The following MRE11 variants were observed in gnomAD, a reference collection of about 807,000 sequenced individuals.
The protein encoded by MRE11 is double-strand break repair protein MRE11.
A neutral mutation model predicts 91.7 loss-of-function variants in MRE11; 62 were observed. The observed-to-expected ratio is 0.68, with a 90% CI of 0.55 to 0.84. The LOEUF is 0.84. Ranked by LOEUF, MRE11 falls within the 40% of genes least tolerant of loss-of-function variation. MRE11 has a pLI of 0.00. For missense variants in MRE11, 796 were observed against 852.9 expected (o/e 0.93, Z 0.83); for synonymous variants, 273 against 271.4 (o/e 1.01, Z -0.06).
intron 14 of MRE11, among the ~76,000 whole-genome samples, chr11:94,450,463 C>A (rs370769414): frequency 7.9e-5 from 12 of 152,026 alleles, no homozygotes; most frequent in African/African-American, 2.9e-4. Flanking sequence ...TACTTCAAGA[C>A]CCCATGAAAC....
intron 16 of MRE11, among the ~76,000 whole-genome samples, chr11:94,439,727 G>T (rs916928480): frequency 2.0e-5 from 3 of 152,060 alleles, no homozygotes; most frequent in Non-Finnish European, 2.9e-5. Context: ...TCAAAATAAC[G>T]CAATGAGGTG....
At chr11:94,511,259 A>T in the MRE11 span, among the ~76,000 whole-genome samples, 14 of 152,184 alleles carry the variant, frequency 9.2e-5, no homozygotes, top group African/African-American at 3.4e-4. Flanking sequence ...TGCTTTTGCT[A>T]TGTGAGCTGC....
At chr11:94,429,810 T>C (rs1489582413) in intron 19 of MRE11, 101 bp downstream of exon 19, 5 of 987,340 alleles carry the variant, frequency 5.1e-6, no homozygotes, top group Non-Finnish European at 7.6e-6. Flanking sequence ...AAGATGAAGT[T>C]ATTTATCAAA....
At chr11:94,482,263 A>T (rs949977292) in intron 4 of MRE11, among the ~76,000 whole-genome samples, 2 of 152,218 alleles carry the variant, frequency 1.3e-5, no homozygotes, top group African/African-American at 2.4e-5. Flanking sequence ...GTTATGAAGG[A>T]CAGAACTAAG....
chr11:94,474,118 GT>G (rs1420810203), intron 7 of MRE11, among the ~76,000 whole-genome samples: 1 of 152,132 alleles, frequency 6.6e-6, no homozygotes, highest in African/African-American at 2.4e-5. Flanking sequence ...AGCACACCTA[GT>G]ACGCATTTGT....
chr11:94,478,680 T>C, intron 6 of MRE11, 55 bp downstream of exon 6: 1 of 1,599,236 alleles, frequency 6.3e-7, no homozygotes. Context: ...TCCAAATTTC[T>C]CAATTGTTTA....
intron 19 of MRE11, among the ~76,000 whole-genome samples, chr11:94,420,751 G>T (rs374424309): frequency 7.9e-5 from 12 of 151,858 alleles, no homozygotes; most frequent in African/African-American, 2.9e-4. Context: ...TTCCCATGCT[G>T]GCCGGGCGCG....
chr11:94,473,694 A>C (rs1487628039), intron 7 of MRE11: 1 of 152,124 alleles, frequency 6.6e-6, no homozygotes, highest in Non-Finnish European at 1.5e-5. Context: ...AAGTTTGAAA[A>C]ATTAGGTTTC....
chr11:94,483,120 C>T (rs1230019588), intron 4 of MRE11, among the ~76,000 whole-genome samples: 1 of 151,642 alleles, frequency 6.6e-6, no homozygotes, highest in Non-Finnish European at 1.5e-5. Context: ...TTCATGTGGA[C>T]AAAATCTCAA....
chr11:94,480,440 G>T (rs78675354), intron 4 of MRE11, among the ~76,000 whole-genome samples: 1,624 of 152,280 alleles, frequency 0.011, 30 homozygotes, highest in African/African-American at 0.038. Context: ...CCATTGCATG[G>T]ATCACCACAA....
At chr11:94,478,980 A>G in intron 5 of MRE11, 104 bp from the exon 6 acceptor site, 2 of 1,274,268 alleles carry the variant, frequency 1.6e-6, no homozygotes, top group South Asian at 2.5e-5. Context: ...CTACTTACAA[A>G]AACATAGATG....
intron 9 of MRE11, among the ~76,000 whole-genome samples, chr11:94,468,489 A>G (rs1389213385): frequency 6.6e-6 from 1 of 152,218 alleles, no homozygotes; most frequent in Non-Finnish European, 1.5e-5. Context: ...CTGTGTGCAC[A>G]GTGATTAGAT....
intron 3 of MRE11, among the ~76,000 whole-genome samples, chr11:94,490,030 C>A (rs1328049379): frequency 1.3e-5 from 2 of 152,202 alleles, no homozygotes; most frequent in Non-Finnish European, 2.9e-5. Context: ...TTCATTTCCT[C>A]TTTTCCATCC....
rs1204954166 is a variant in MRE11, at chr11:94,416,689, CAAA to C, written c.*3433_*3435del. The C allele has an allele frequency of 4.1e-5, 4 of 96,614 alleles. No homozygotes were observed. Among genetic ancestry groups the C allele is most frequent in the Non-Finnish European group, 4.4e-5 (2 of 45,070 alleles). 6.0% of individuals were successfully genotyped at this position (96,614 alleles called of 1,614,324 possible). On this transcript the variant is annotated 3_prime_UTR_variant, in exon 20 of 20. Coordinates refer to ENST00000323929, the MANE Select transcript of MRE11 (RefSeq NM_005591.4). ...AAAAACCCTGTCTCTACTAAAAATA[CAAA>C]AAAAAAAAAAAAAAAATTAGCCAGG...
chr11:94,429,842 G>T, intron 19 of MRE11, 69 bp downstream of exon 19: 1 of 1,340,166 alleles, frequency 7.5e-7, no homozygotes, highest in African/African-American at 1.5e-5. Flanking sequence ...TCAGCAACTA[G>T]CTGGCAGTCT....
intron 12 of MRE11, 144 bp downstream of exon 12, chr11:94,460,792 G>A (rs901827877): frequency 4.2e-6 from 3 of 715,250 alleles, no homozygotes; most frequent in Non-Finnish European, 7.2e-6. Context: ...AACTGCAAAT[G>A]AATGTAATTA....
chr11:94,506,585 C>CT, the MRE11 span, among the ~76,000 whole-genome samples: 2,932 of 147,062 alleles, frequency 0.02, 62 homozygotes, highest in African/African-American at 0.05. Flanking sequence ...ACAGTAATTG[C>CT]TTTTTTTGTT....
the MRE11 span, among the ~76,000 whole-genome samples, chr11:94,500,453 A>C: frequency 1.3e-5 from 2 of 152,228 alleles, no homozygotes; most frequent in East Asian, 3.8e-4. Context: ...CACAGAAGGC[A>C]GTCACTAATC....
chr11:94,460,552 T>A (rs1216384738), intron 12 of MRE11, among the ~76,000 whole-genome samples: 2 of 152,226 alleles, frequency 1.3e-5, no homozygotes, highest in East Asian at 3.8e-4. Flanking sequence ...TAACATTAAT[T>A]AAACACTAAT....
Sources: allele counts gnomAD v4.1 joint callset (sites outside exome capture counted in the v4.1 genomes callset), GRCh38; gene constraint gnomAD v4.1.1; transcripts MANE v1.5; gene names NCBI Gene and HGNC (gene_info 2026-07-23, HGNC 2026-07-21).